Variants in MGAT1 observed in about 807,000 individuals in gnomAD.
MGAT1 encodes alpha-1,3-mannosyl-glycoprotein 2-beta-N-acetylglucosaminyltransferase, also known as N-glycosyl-oligosaccharide-glycoprotein N-acetylglucosaminyltransferase I.
MGAT1 carries 14 observed loss-of-function variants against 31.7 expected under a neutral mutation model. The observed-to-expected ratio is 0.44, with a 90% CI of 0.29 to 0.69. The LOEUF (loss-of-function observed/expected upper bound fraction) is 0.69, where lower values mean the gene tolerates loss of function less well. Among genes scored for constraint, MGAT1 ranks in the 30% least tolerant of loss-of-function variants. MGAT1 has a pLI of 0.12. For synonymous variants in MGAT1, 338 were observed against 276.0 expected (o/e 1.22, Z -2.23); for missense variants, 557 against 626.0 (o/e 0.89, Z 1.18).
intron 1 of MGAT1, among the ~76,000 whole-genome samples, chr5:180,802,248 T>C (rs1178511117): frequency 6.6e-6 from 1 of 152,132 alleles, no homozygotes; most frequent in African/African-American, 2.4e-5. Flanking sequence ...TTATTATATA[T>C]ATATTTCAAC....
At chr5:180,793,879 T>C (rs892469761) in intron 1 of MGAT1, among the ~76,000 whole-genome samples, 9 of 152,218 alleles carry the variant, frequency 5.9e-5, no homozygotes, top group Non-Finnish European at 1.3e-4. Context: ...TCAAAACTTA[T>C]GTGAACAAAA....
At chr5:180,810,321 G>C (rs992253824) in intron 1 of MGAT1, 2 of 152,350 alleles carry the variant, frequency 1.3e-5, no homozygotes, top group Non-Finnish European at 2.9e-5. Flanking sequence ...CGAGGGAGGT[G>C]GGTCTGCAGG....
intron 1 of MGAT1, among the ~76,000 whole-genome samples, chr5:180,797,843 T>TTCTTCACA (rs11282898): frequency 0.034 from 4,391 of 130,550 alleles, 226 homozygotes; most frequent in East Asian, 0.072. Context: ...GCCCACCTCC[T>TTCTTCACA]TAGGCTCAGC....
chr5:180,797,837 A>C (rs1769817981), intron 1 of MGAT1, among the ~76,000 whole-genome samples: 3 of 149,560 alleles, frequency 2.0e-5, no homozygotes, highest in Non-Finnish European at 3.0e-5. Flanking sequence ...GTTCCAGCCC[A>C]CCTCCTTAGG....
intron 1 of MGAT1, among the ~76,000 whole-genome samples, chr5:180,796,880 G>C (rs1242590148): frequency 1.3e-5 from 2 of 152,124 alleles, no homozygotes; most frequent in African/African-American, 2.4e-5. Context: ...CCAAAGTGCT[G>C]GGATTACAGG....
At chr5:180,795,632 G>C (rs542022987) in intron 1 of MGAT1, 26 of 152,342 alleles carry the variant, frequency 1.7e-4, no homozygotes, top group Admixed American at 4.6e-4. Flanking sequence ...TGAGTAAAGA[G>C]AGTGTGTACG....
At chr5:180,798,085 A>G (rs925634584) in intron 1 of MGAT1, among the ~76,000 whole-genome samples, 1 of 152,250 alleles carries the variant, frequency 6.6e-6, no homozygotes, top group African/African-American at 2.4e-5. Flanking sequence ...CAGCAGCAAC[A>G]AAGGCAAGCC....
intron 1 of MGAT1, among the ~76,000 whole-genome samples, chr5:180,813,661 C>T (rs952165748): frequency 2.6e-5 from 4 of 152,130 alleles, no homozygotes; most frequent in Non-Finnish European, 4.4e-5. Context: ...CGCGGACTGT[C>T]ATTTGGTGTG....
intron 1 of MGAT1, among the ~76,000 whole-genome samples, chr5:180,811,700 C>T (rs1380627211): frequency 6.6e-6 from 1 of 151,538 alleles, no homozygotes; most frequent in Non-Finnish European, 1.5e-5. Flanking sequence ...GTACAGCAGC[C>T]ACAGGGATCC....
At position 180,786,943 on chromosome 5, in the gene MGAT1, C is replaced by A. The variant is rs1767606113; in HGVS notation, c.*4691G>T. On this transcript the variant is annotated 3_prime_UTR_variant, in exon 2 of 2. Coordinates refer to ENST00000307826, the MANE Select transcript of MGAT1 (RefSeq NM_002406.4). ...TAACAGCCTTGGCACTACCCGGCCC[C>A]CTTTCTATCAACTGCCCCCGCTCTG... 1.3e-5 allele frequency: 2 copies of A among 152,334 alleles called. No homozygotes were observed. Among genetic ancestry groups the A allele is most frequent in the Admixed American group, 1.3e-4 (2 of 15,294 alleles). The allele number at this position is 152,334 out of a possible 1,614,324, so 9.4% of individuals were successfully genotyped here. A position where few individuals can be genotyped will look rare whatever the true frequency, so the allele number is the denominator to read the frequency against.
In MGAT1 at chr5:180,799,008, G is replaced by A. The variant is rs187978937; in HGVS notation, c.-127+3672C>T. On this transcript the variant is annotated intron_variant, in intron 1 of 1. Coordinates refer to ENST00000307826, the MANE Select transcript of MGAT1 (RefSeq NM_002406.4). ...TCCTTCGTAGGAAACACTGTTTTAA[G>A]TCTGGACTCTTGATGTAGTTTCCCA... Among the ~76,000 whole-genome samples, 210 of 152,298 alleles carry A rather than the reference G, an allele frequency of 1.4e-3. 1 individual carries two copies. Among genetic ancestry groups the A allele is most frequent in the African/African-American group, 4.8e-3 (200 of 41,558 alleles).
Position 180,792,321 on chromosome 5 carries a change from G to C in MGAT1, c.651C>G (p.Asp217Glu). 6.2e-7 allele frequency: 1 copy of C among 1,610,904 alleles called. No homozygotes were observed. Among genetic ancestry groups the C allele is most frequent in the Non-Finnish European group, 8.5e-7 (1 of 1,178,166 alleles). ...AGGTGGCCCGAAAGTACTCGAAGAA[G>C]TCCGGGGCCACCTCCAGGTCATCCT... ...VVEDDLEVAP[D>E]FFEYFRATYP... The change falls in exon 2 of 2, where the codon GAC (aspartate) becomes GAG (glutamate). Residue 217 changes from aspartate to glutamate, a missense_variant. Coordinates refer to ENST00000307826, the MANE Select transcript of MGAT1 (RefSeq NM_002406.4).
At chr5:180,814,922 C>G (rs569401007) in intron 1 of MGAT1, among the ~76,000 whole-genome samples, 179 of 147,464 alleles carry the variant, frequency 1.2e-3, no homozygotes, top group African/African-American at 4.1e-3. Context: ...GCCTAGGCGA[C>G]AGAGTGAGAC....
In MGAT1 at chr5:180,807,866, G is replaced by T. The variant is rs150225760; in HGVS notation, c.-127+782C>A. Reference sequence around the variant, plus strand: ...AGCACACTATTTCAAGAAGAAAACAGAACTCCTGACTCAGAGTTGTTTCTG... The same window carrying T: ...AGCACACTATTTCAAGAAGAAAACATAACTCCTGACTCAGAGTTGTTTCTG... On this transcript the variant is annotated intron_variant, in intron 2 of 2. Transcript: ENST00000333055. Among the ~76,000 whole-genome samples the T allele has an allele frequency of 4.2e-3, 639 of 152,350 alleles. 6 individuals are homozygous for T. Among genetic ancestry groups the T allele is most frequent in the African/African-American group, 0.014 (592 of 41,572 alleles).
chr5:180,791,807 T>G lies in MGAT1; in HGVS notation c.1165A>C (p.Thr389Pro). 6.2e-7 allele frequency: 1 copy of G among 1,614,172 alleles called. No homozygotes were observed. Among genetic ancestry groups the G allele is most frequent in the Non-Finnish European group, 8.5e-7 (1 of 1,180,006 alleles). The change falls in exon 2 of 2, where the codon ACG (threonine) becomes CCG (proline). Residue 389 changes from threonine to proline, a missense_variant. Physicochemically the swap from Thr to Pro is conservative, Grantham distance 38. Transcript: ENST00000307826. ...KELGEVRVQY[T>P]GRDSFKAFAK... ...AAAGCCTTGAAGCTGTCCCTGCCCG[T>G]ATACTGCACCCGCACCTCCCCCAGC...
chr5:180,806,803 C>T (rs1771938415), upstream of MGAT1, among the ~76,000 whole-genome samples: 1 of 152,242 alleles, frequency 6.6e-6, no homozygotes, highest in South Asian at 2.1e-4. Context: ...TCCCTGGTAC[C>T]TGGGATACCA....
chr5:180,810,826 C>G (rs1183265099), intron 1 of MGAT1: 1 of 152,392 alleles, frequency 6.6e-6, no homozygotes, highest in Non-Finnish European at 1.5e-5. Flanking sequence ...CTCGCTGCCT[C>G]TCTTGACGAG....
Position 180,784,860 on chromosome 5 carries a change from GA to G in MGAT1, c.*6773del. Reference sequence around the variant, plus strand: ...CGATAAGCACATATTACTTATATACGAAAAAAGTTATTTAAAAAACAATATT... The same window carrying G: ...CGATAAGCACATATTACTTATATACGAAAAAGTTATTTAAAAAACAATATT... On this transcript the variant is annotated 3_prime_UTR_variant, in exon 2 of 2. Coordinates refer to ENST00000307826, the MANE Select transcript of MGAT1 (RefSeq NM_002406.4). The G allele has an allele frequency of 6.6e-6, 1 of 152,218 alleles. No individual in the cohort carries two copies. The highest frequency in any genetic ancestry group is 1.9e-4 in the East Asian group (1 of 5,190). The allele number at this position is 152,218 out of a possible 1,614,324, so 9.4% of individuals were successfully genotyped here. A position where few individuals can be genotyped will look rare whatever the true frequency, so the allele number is the denominator to read the frequency against.
rs1037247522 is a variant in MGAT1 at position 180,811,937 on chromosome 5, A to G, written c.-545-2871T>C. ...GGACTGAACCCTTCAGCTCTTTCAAATCTTTCCTCCCATGTCACCTCAGTG... is the reference window on the plus strand; with the variant it reads ...GGACTGAACCCTTCAGCTCTTTCAAGTCTTTCCTCCCATGTCACCTCAGTG... On this transcript the variant is annotated intron_variant, in intron 1 of 2. Transcript: ENST00000333055. Among the ~76,000 whole-genome samples the G allele has an allele frequency of 2.6e-5, 4 of 152,080 alleles. No individual in the cohort carries two copies. In the East Asian group the frequency reaches 5.8e-4, roughly 22 times the overall value.
Sources: gnomAD v4.1 joint callset for allele counts (sites outside exome capture counted in the v4.1 genomes callset) on GRCh38, gnomAD v4.1.1 for gene constraint, MANE v1.5 for transcripts, NCBI Gene and HGNC (gene_info 2026-07-23, HGNC 2026-07-21) for gene names.